The following MIS18A variants were observed in gnomAD, a reference collection of about 807,000 sequenced individuals.
MIS18A encodes the protein MIS18 kinetochore protein A, also known as protein Mis18-alpha.
A neutral mutation model predicts 25.0 loss-of-function variants in MIS18A; 14 were observed. The ratio of observed to expected loss-of-function variants is 0.56; its 90% CI spans 0.37 to 0.88. The LOEUF is 0.88. Ranked by LOEUF, MIS18A falls within the 40% of genes least tolerant of loss-of-function variation. The probability of loss-of-function intolerance (pLI) is 0.00; values close to 1 mark genes in which losing one functional copy is unlikely to be tolerated. For missense variants in MIS18A, 292 were observed against 290.8 expected (o/e 1.00, Z -0.03); for synonymous variants, 134 against 118.6 (o/e 1.13, Z -0.84).
the MIS18A span, among the ~76,000 whole-genome samples, chr21:32,202,137 A>G: frequency 3.2e-3 from 491 of 152,142 alleles, 3 homozygotes; most frequent in African/African-American, 0.011. Context: ...AACAATTAAA[A>G]AATTAGCTGG....
At chr21:32,171,140 T>C in the MIS18A span, among the ~76,000 whole-genome samples, 16 of 152,188 alleles carry the variant, frequency 1.1e-4, no homozygotes, top group East Asian at 2.7e-3. Context: ...GGTAGTGCCA[T>C]TAGGCAAGAA....
chr21:32,276,869 T>C (rs996309145), intron 1 of MIS18A, among the ~76,000 whole-genome samples: 1 of 152,098 alleles, frequency 6.6e-6, no homozygotes, highest in Non-Finnish European at 1.5e-5. Context: ...CAAGGTTACA[T>C]ACAGTGAGCT....
At chr21:32,243,974 G>T in the MIS18A span, among the ~76,000 whole-genome samples, 1 of 151,736 alleles carries the variant, frequency 6.6e-6, no homozygotes, top group Non-Finnish European at 1.5e-5. Flanking sequence ...AAATAAAAAA[G>T]AAGAAGAAGT....
chr21:32,245,484 G>A, the MIS18A span, among the ~76,000 whole-genome samples: 2 of 152,184 alleles, frequency 1.3e-5, no homozygotes, highest in African/African-American at 4.8e-5. Flanking sequence ...CATTATAAGA[G>A]GAATTCAGGA....
At chr21:32,234,726 C>CA in the MIS18A span, among the ~76,000 whole-genome samples, 1 of 152,154 alleles carries the variant, frequency 6.6e-6, no homozygotes, top group African/African-American at 2.4e-5. Flanking sequence ...CATCATGTGA[C>CA]ATGCAGGCTC....
chr21:32,219,152 C>T, the MIS18A span, among the ~76,000 whole-genome samples: 20 of 151,874 alleles, frequency 1.3e-4, no homozygotes, highest in Non-Finnish European at 2.5e-4. Flanking sequence ...ATTGGCAGAA[C>T]TAATTCTTAA....
chr21:32,207,941 T>C, the MIS18A span, among the ~76,000 whole-genome samples: 1 of 152,330 alleles, frequency 6.6e-6, no homozygotes, highest in African/African-American at 2.4e-5. Context: ...TTGGTATTGC[T>C]GTCTGGAAAT....
chr21:32,170,733 A>G, the MIS18A span, among the ~76,000 whole-genome samples: 1 of 152,076 alleles, frequency 6.6e-6, no homozygotes, highest in Non-Finnish European at 1.5e-5. Flanking sequence ...AATAATGTCA[A>G]TAAAATACTA....
chr21:32,252,241 G>GAA, the MIS18A span, among the ~76,000 whole-genome samples: 43 of 51,140 alleles, frequency 8.4e-4, no homozygotes, highest in South Asian at 4.7e-3. Context: ...AGAAGAAGAA[G>GAA]GAGGAGGAGG....
At chr21:32,188,027 TTCTC>T in the MIS18A span, among the ~76,000 whole-genome samples, 5 of 109,158 alleles carry the variant, frequency 4.6e-5, no homozygotes, top group East Asian at 9.4e-4. Context: ...CTCTGTCCCT[TTCTC>T]TCTCTCTCCA....
chr21:32,191,322 G>C, the MIS18A span, among the ~76,000 whole-genome samples: 1 of 152,224 alleles, frequency 6.6e-6, no homozygotes, highest in African/African-American at 2.4e-5. Flanking sequence ...GGGCATGGTG[G>C]CTCACACCTA....
chr21:32,162,066 A>G, the MIS18A span, among the ~76,000 whole-genome samples: 4 of 151,966 alleles, frequency 2.6e-5, no homozygotes, highest in African/African-American at 9.7e-5. Context: ...TTATTATCCT[A>G]TTTTCCTGAA....
the MIS18A span, among the ~76,000 whole-genome samples, chr21:32,155,448 C>T: frequency 6.6e-6 from 1 of 152,108 alleles, no homozygotes; most frequent in Non-Finnish European, 1.5e-5. Flanking sequence ...GAGGGAGATT[C>T]CTATCTCTGG....
intron 2 of MIS18A, among the ~76,000 whole-genome samples, chr21:32,274,077 T>A (rs113233050): frequency 6.6e-6 from 1 of 151,878 alleles, no homozygotes; most frequent in Non-Finnish European, 1.5e-5. Context: ...TTTACCCCAA[T>A]AGGCTGTGTG....
chr21:32,252,233 AAGAAGAAGGAGGAGGAGG>A, the MIS18A span, among the ~76,000 whole-genome samples: 900 of 53,786 alleles, frequency 0.017, 15 homozygotes, highest in African/African-American at 0.052. Context: ...GAAGAAGAAG[AAGAAGAAGGAGGAGGAGG>A]AGGAGGAGGA....
At chr21:32,176,412 T>C in the MIS18A span, among the ~76,000 whole-genome samples, 2 of 152,186 alleles carry the variant, frequency 1.3e-5, no homozygotes, top group African/African-American at 4.8e-5. Flanking sequence ...CAAACTATCA[T>C]TGACCAAAAT....
In MIS18A at chr21:32,268,940, C is replaced by A; in HGVS notation, c.*97G>T. ...CGCATGCCTGGCTAATTTTTTTTTTCTTTTTTTTTTTGTAGAGACGACGTC... is the reference window on the plus strand; with the variant it reads ...CGCATGCCTGGCTAATTTTTTTTTTATTTTTTTTTTTGTAGAGACGACGTC... On this transcript the variant is annotated 3_prime_UTR_variant, in exon 5 of 5. Transcript: ENST00000290130. The A allele has an allele frequency of 1.8e-6, 1 of 552,140 alleles. No homozygotes were observed. The highest frequency in any genetic ancestry group is 2.8e-6 in the Non-Finnish European group (1 of 361,226). The allele number at this position is 552,140 out of a possible 1,614,324, so 34.2% of individuals were successfully genotyped here.
At chr21:32,271,211 T>C (rs1233272996) in intron 2 of MIS18A, among the ~76,000 whole-genome samples, 1 of 152,104 alleles carries the variant, frequency 6.6e-6, no homozygotes, top group Non-Finnish European at 1.5e-5. Flanking sequence ...CCATCCAAAT[T>C]TACCATTCTA....
chr21:32,240,092 AATG>A, the MIS18A span, among the ~76,000 whole-genome samples: 1 of 152,252 alleles, frequency 6.6e-6, no homozygotes, highest in South Asian at 2.1e-4. Flanking sequence ...TGGGGGACAC[AATG>A]ATGTCAATGT....
Sources: gnomAD v4.1 joint callset for allele counts (sites outside exome capture counted in the v4.1 genomes callset) on GRCh38, gnomAD v4.1.1 for gene constraint, MANE v1.5 for transcripts, NCBI Gene and HGNC (gene_info 2026-07-23, HGNC 2026-07-21) for gene names.